The following SOCS5 variants were observed in gnomAD, a reference collection of about 807,000 sequenced individuals.
SOCS5 encodes CIS-6.
In SOCS5, 32 loss-of-function variants were observed where a neutral mutation model predicts 42.8. The observed-to-expected ratio is 0.75, with a 90% CI of 0.56 to 1.01. The LOEUF (loss-of-function observed/expected upper bound fraction) is 1.01, where lower values mean the gene tolerates loss of function less well. Among genes scored for constraint, SOCS5 ranks in the 50% least tolerant of loss-of-function variants. The pLI is 0.00. For synonymous variants in SOCS5, 283 were observed against 229.6 expected (o/e 1.23, Z -2.10); for missense variants, 627 against 653.0 (o/e 0.96, Z 0.43).
At chr2:46,753,154 T>C (rs1022347621) in intron 1 of SOCS5, among the ~76,000 whole-genome samples, 6 of 152,218 alleles carry the variant, frequency 3.9e-5, no homozygotes, top group African/African-American at 1.4e-4. Context: ...TCATTTCTGC[T>C]TCAGGACTTT....
chr2:46,718,304 A>T (rs749405152), intron 1 of SOCS5, among the ~76,000 whole-genome samples: 8 of 152,340 alleles, frequency 5.3e-5, no homozygotes, highest in Middle Eastern at 6.8e-3. Context: ...ATCATAATTG[A>T]AAGTGGAAGT....
In SOCS5 at chr2:46,758,989, G is replaced by T. The variant is rs771763816; in HGVS notation, c.459G>T (p.Glu153Asp). 1.9e-6 allele frequency: 3 copies of T among 1,613,882 alleles called. No individual in the cohort carries two copies. Among genetic ancestry groups the T allele is most frequent in the Non-Finnish European group, 1.7e-6 (2 of 1,179,866 alleles). Residue 153 changes from glutamate to aspartate, a missense_variant, in exon 2 of 2, where the codon GAG (glutamate) becomes GAT (aspartate). Glu to Asp is a conservative substitution (Grantham distance 45, BLOSUM62 2). Transcript: ENST00000394861. ...CTCGAAGTGGACTTCAAAGGAGAGA[G>T]AGGCGCTACGGCGTAAGTTCTGTAC... ...GRTRSGLQRR[E>D]RRYGVSSVHD... is the part of the protein sequence containing the mutation.
intron 1 of SOCS5, among the ~76,000 whole-genome samples, chr2:46,732,353 G>A (rs149745259): frequency 7.9e-5 from 12 of 152,248 alleles, no homozygotes; most frequent in Non-Finnish European, 1.3e-4. Context: ...GAGACTTGCC[G>A]AATGAGTGTA....
intron 1 of SOCS5, among the ~76,000 whole-genome samples, chr2:46,729,436 A>G (rs1673065350): frequency 1.3e-5 from 2 of 152,230 alleles, no homozygotes; most frequent in African/African-American, 4.8e-5. Flanking sequence ...CCTAGATGGT[A>G]TAGCGTACTA....
intron 1 of SOCS5, among the ~76,000 whole-genome samples, chr2:46,725,706 G>C (rs1024271262): frequency 6.6e-6 from 1 of 151,868 alleles, no homozygotes; most frequent in Non-Finnish European, 1.5e-5. Flanking sequence ...TCATTGGATG[G>C]TTACCATTTC....
chr2:46,707,388 G>C (rs1021377820), intron 1 of SOCS5, among the ~76,000 whole-genome samples: 2 of 152,156 alleles, frequency 1.3e-5, no homozygotes, highest in African/African-American at 4.8e-5. Context: ...CATTACTTCT[G>C]TATAGGTTTA....
At chr2:46,731,641 T>C (rs41345048) in intron 1 of SOCS5, among the ~76,000 whole-genome samples, 5 of 152,226 alleles carry the variant, frequency 3.3e-5, no homozygotes, top group African/African-American at 1.2e-4. Flanking sequence ...TGAACTGTTG[T>C]TGGTACATAT....
In SOCS5 at chr2:46,699,864, G is replaced by T. The variant is rs1672303036; in HGVS notation, c.-13+415G>T. Among the ~76,000 whole-genome samples, 1 of 152,118 alleles carries T rather than the reference G, an allele frequency of 6.6e-6. No individual in the cohort carries two copies. The highest frequency in any genetic ancestry group is 2.4e-5 in the African/African-American group (1 of 41,420). On this transcript the variant is annotated intron_variant, in intron 1 of 1. Coordinates refer to ENST00000394861, the MANE Select transcript of SOCS5 (RefSeq NM_144949.3). The surrounding 1 kb of genome is among the most constrained non-coding windows in gnomAD (Gnocchi z 4.8). Reference sequence around the variant, plus strand: ...AGCAGTTACACAGGCTGCAGGGAAGGGAGCACCGACCAAGTCACTTGGGGC... The same window carrying T: ...AGCAGTTACACAGGCTGCAGGGAAGTGAGCACCGACCAAGTCACTTGGGGC...
At chr2:46,740,855 G>C (rs1190096750) in intron 1 of SOCS5, among the ~76,000 whole-genome samples, 1 of 152,086 alleles carries the variant, frequency 6.6e-6, no homozygotes, top group Non-Finnish European at 1.5e-5. Flanking sequence ...CTTCTGACCT[G>C]TTTTCCTTAT....
chr2:46,735,524 G>C (rs1401732974), intron 1 of SOCS5, among the ~76,000 whole-genome samples: 1 of 152,018 alleles, frequency 6.6e-6, no homozygotes. Context: ...TTTGCACTTT[G>C]TGTTCCCAGA....
At chr2:46,734,909 A>G (rs1050131731) in intron 1 of SOCS5, among the ~76,000 whole-genome samples, 1 of 152,160 alleles carries the variant, frequency 6.6e-6, no homozygotes, top group East Asian at 1.9e-4. Context: ...CATCCGCCCC[A>G]TACATCAGCC....
chr2:46,704,865 G>T (rs1356552012), intron 1 of SOCS5, among the ~76,000 whole-genome samples: 2 of 152,146 alleles, frequency 1.3e-5, no homozygotes, highest in African/African-American at 4.8e-5. Context: ...CTGTTTGGAG[G>T]TGTTGATACT....
intron 1 of SOCS5, among the ~76,000 whole-genome samples, chr2:46,732,756 C>T (rs987581760): frequency 6.6e-6 from 1 of 152,146 alleles, no homozygotes; most frequent in Non-Finnish European, 1.5e-5. Flanking sequence ...ATAGGCTTGA[C>T]CCCTTTGAGA....
intron 1 of SOCS5, among the ~76,000 whole-genome samples, chr2:46,739,036 A>T (rs1673313406): frequency 2.0e-5 from 3 of 152,214 alleles, no homozygotes; most frequent in Admixed American, 2.0e-4. Context: ...AACACGTTTA[A>T]TTTTTACACC....
intron 1 of SOCS5, among the ~76,000 whole-genome samples, chr2:46,715,591 T>C (rs1672720103): frequency 1.3e-5 from 2 of 152,188 alleles, no homozygotes; most frequent in Admixed American, 1.3e-4. Flanking sequence ...TCTAGGTTTT[T>C]AGGATCCCCT....
chr2:46,739,911 C>T (rs1054569406), intron 1 of SOCS5, among the ~76,000 whole-genome samples: 3 of 152,070 alleles, frequency 2.0e-5, no homozygotes, highest in Admixed American at 6.5e-5. Context: ...TATTGAAAAA[C>T]GCAGCTGTGA....
Position 46,741,331 on chromosome 2 carries a change from C to T in SOCS5, c.-12-17188C>T, listed in dbSNP as rs541660984. Among the ~76,000 whole-genome samples the T allele has an allele frequency of 3.9e-5, 6 of 152,214 alleles. No individual in the cohort carries two copies. In the South Asian group the frequency reaches 1.2e-3, roughly 32 times the overall value. ...CTCAGCTCGCTGCAACCTCCACCTC[C>T]CAGGTTCAAGTGATTCTTTTACCTC... On this transcript the variant is annotated intron_variant, in intron 1 of 1. Transcript: ENST00000394861.
Position 46,760,060 on chromosome 2 carries a change from A to G in SOCS5, c.1530A>G (p.Leu510=). 6.2e-7 allele frequency: 1 copy of G among 1,614,090 alleles called. No individual in the cohort carries two copies. Among genetic ancestry groups the G allele is most frequent in the Non-Finnish European group, 8.5e-7 (1 of 1,179,956 alleles). Residue 510 remains leucine, a synonymous_variant, in exon 2 of 2, where the codon TTA becomes TTG. Transcript: ENST00000394861. The part of the protein sequence containing the change: ...GIDGLPLPSM[L]QDFLKEYHYK... ...ATGGGCTCCCTCTACCCTCAATGTTACAGGATTTTTTAAAAGAGTATCATT... is the reference window on the plus strand; with the variant it reads ...ATGGGCTCCCTCTACCCTCAATGTTGCAGGATTTTTTAAAAGAGTATCATT...
At position 46,758,540 on chromosome 2, in the gene SOCS5, G is replaced by C. The variant is rs1673778216; in HGVS notation, c.10G>C (p.Val4Leu). The change falls in exon 2 of 2, where the codon GTG (valine) becomes CTG (leucine). Residue 4 changes from valine to leucine, a missense_variant. Coordinates refer to ENST00000394861, the MANE Select transcript of SOCS5 (RefSeq NM_144949.3). ...TTAGATTTTATAATCAATGGATAAA[G>C]TGGGAAAAATGTGGAATAACTTCAA... MDK[V>L]GKMWNNFKYR... 6.3e-7 allele frequency: 1 copy of C among 1,586,592 alleles called. No homozygotes were observed. The highest frequency in any genetic ancestry group is 2.2e-5 in the East Asian group (1 of 44,710).
Sources: allele counts gnomAD v4.1 joint callset (sites outside exome capture counted in the v4.1 genomes callset), GRCh38; gene constraint gnomAD v4.1.1; non-coding constraint Gnocchi (gnomAD v3.1); transcripts MANE v1.5; gene names NCBI Gene and HGNC (gene_info 2026-07-23, HGNC 2026-07-21).